Variants in FLII observed in about 807,000 individuals in gnomAD.
FLII encodes protein flightless-1 homolog.
Under a neutral mutation model 156.2 loss-of-function variants are expected in FLII, and 101 were observed. The observed-to-expected ratio is 0.65, with a 90% CI of 0.55 to 0.76. The LOEUF (loss-of-function observed/expected upper bound fraction) is 0.76, where lower values mean the gene tolerates loss of function less well. FLII is among the 30% of genes least tolerant of loss of function. FLII has a pLI of 0.00. For synonymous variants in FLII, 767 were observed against 685.8 expected, an observed-to-expected ratio of 1.12 and a Z score of -1.85; for missense variants, 1,675 against 1,682.8, an observed-to-expected ratio of 1.00 and a Z score of 0.08.
chr17:18,251,264 C>A lies in FLII; in HGVS notation c.1596+1G>T. 6.2e-7 allele frequency: 1 copy of A among 1,613,632 alleles called. No homozygotes were observed. The highest frequency in any genetic ancestry group is 8.5e-7 in the Non-Finnish European group (1 of 1,179,758). On this transcript the variant is annotated splice_donor_variant, in intron 13 of 29. Coordinates refer to ENST00000327031, the MANE Select transcript of FLII (RefSeq NM_002018.4). LOFTEE classifies it high-confidence loss of function. ...CCCCTAACAGCATGCCCAGCCCTCACCTTGAGCACAATGTAGCAGTCAGCC... is the reference window on the plus strand; with the variant it reads ...CCCCTAACAGCATGCCCAGCCCTCAACTTGAGCACAATGTAGCAGTCAGCC...
intron 9 of FLII, 134 bp downstream of exon 9, chr17:18,253,166 AG>A: frequency 2.2e-6 from 2 of 918,936 alleles, no homozygotes; most frequent in East Asian, 2.7e-5. Flanking sequence ...AAAAAAGAAA[AG>A]AAAAGAAAAG....
intron 12 of FLII, 35 bp downstream of exon 12, chr17:18,251,645 G>T (rs972161303): frequency 7.4e-6 from 12 of 1,613,206 alleles, no homozygotes; most frequent in African/African-American, 4.0e-5. Context: ...AGAAGCTAAG[G>T]CTCCCTGCCT....
At position 18,253,573 on chromosome 17, in the gene FLII, G is replaced by A; in HGVS notation, c.826C>T (p.Leu276=). The change falls in exon 8 of 30, where the codon CTG becomes TTG. Residue 276 remains leucine (L), a synonymous_variant. Coordinates refer to ENST00000327031, the MANE Select transcript of FLII (RefSeq NM_002018.4). The part of the protein sequence containing the change: ...DQWVHVETLN[L]SRNQLTSLPS... ...AGTGAGGTGAGCTGATTTCGGGACA[G>A]GTTCAGAGTTTCCACGTGCACCCAC... The A allele has an allele frequency of 6.2e-7, 1 of 1,613,930 alleles. No homozygotes were observed. The highest frequency in any genetic ancestry group is 8.5e-7 in the Non-Finnish European group (1 of 1,179,926).
chr17:18,257,321 T>C, intron 1 of FLII: 1 of 375,526 alleles, frequency 2.7e-6, no homozygotes, highest in Non-Finnish European at 4.9e-6. Context: ...TGTGGTTAGC[T>C]CGGCTCAAAT....
At chr17:18,257,201 C>G in intron 1 of FLII, 182 bp from the exon 2 acceptor site, 1 of 551,984 alleles carries the variant, frequency 1.8e-6, no homozygotes, top group Non-Finnish European at 3.2e-6. Context: ...TTTTAAGCCC[C>G]CCCGTGACAA....
Position 18,254,134 on chromosome 17 carries a change from G to C in FLII, c.624C>G (p.Thr208=). The part of the protein sequence containing the change: ...TALQTLHLRS[T]QRTQSNLPTS... ...TGGGCAGGTTGCTCTGGGTGCGCTG[G>C]GTGCTCCGCAGGTGCAGGGTCTGCA... is the stretch of plus-strand genomic sequence containing the variant. The change falls in exon 7 of 30, where the codon ACC becomes ACG. Residue 208 remains threonine (T), a synonymous_variant. Transcript: ENST00000327031. 1 of 1,611,766 alleles carries C rather than the reference G, an allele frequency of 6.2e-7. No homozygotes were observed. The highest frequency in any genetic ancestry group is 8.5e-7 in the Non-Finnish European group (1 of 1,178,954).
Position 18,251,668 on chromosome 17 carries a change from G to A in FLII, c.1383+12C>T. The A allele has an allele frequency of 6.2e-7, 1 of 1,613,868 alleles. No homozygotes were observed. Among genetic ancestry groups the A allele is most frequent in the East Asian group, 2.2e-5 (1 of 44,876 alleles). On this transcript the variant is annotated intron_variant, in intron 12 of 29. Coordinates refer to ENST00000327031, the MANE Select transcript of FLII (RefSeq NM_002018.4). ...AGGCTCCCTGCCTTGTCCCAACCCTGGCCTGGCTCACCTCCTGCTTTTTGT... is the reference window on the plus strand; with the variant it reads ...AGGCTCCCTGCCTTGTCCCAACCCTAGCCTGGCTCACCTCCTGCTTTTTGT...
At position 18,249,137 on chromosome 17, in the gene FLII, G is replaced by C; in HGVS notation, c.1924C>G (p.Leu642Val). The change falls in exon 16 of 30, where the codon CTG (leucine) becomes GTG (valine). Residue 642 changes from leucine to valine, a missense_variant. Around this residue, in one of 2 missense-constraint regions of FLII, gnomAD observed 1,332 missense variants for 1,269.3 expected, o/e 1.05. Transcript: ENST00000327031. ...ATTGTTGGGGCTCACCTTGGGTCCAGAGAGGTCCCCTTGAGGGGCACAGGC... is the reference window on the plus strand; with the variant it reads ...ATTGTTGGGGCTCACCTTGGGTCCACAGAGGTCCCCTTGAGGGGCACAGGC... ...LEPVPLKGTS[L>V]DPRFVFLLDR... 1 of 1,613,870 alleles carries C rather than the reference G, an allele frequency of 6.2e-7. No individual in the cohort carries two copies. The highest frequency in any genetic ancestry group is 8.5e-7 in the Non-Finnish European group (1 of 1,179,834).
intron 3 of FLII, 70 bp downstream of exon 3, chr17:18,256,456 C>G: frequency 7.0e-6 from 9 of 1,287,060 alleles, no homozygotes; most frequent in Non-Finnish European, 8.8e-6. Context: ...GGTGTCTAGC[C>G]CAGGCTTCAC....
rs749331004 is a variant in FLII, at chr17:18,246,316, G to C, written c.3198C>G (p.Leu1066=). The change falls in exon 24 of 30, where the codon CTC becomes CTG. Residue 1066 remains leucine, a synonymous_variant. Transcript: ENST00000327031. ...LYQIRTNGSA[L]CTRCIQINTD... Reference sequence around the variant, plus strand: ...CTCCCCCAGCCAGGCACCGGGTGCAGAGGGCGCTGCCGTTGGTGCGGATCT... The same window carrying C: ...CTCCCCCAGCCAGGCACCGGGTGCACAGGGCGCTGCCGTTGGTGCGGATCT... The C allele has an allele frequency of 6.2e-7, 1 of 1,613,732 alleles. No individual in the cohort carries two copies. The highest frequency in any genetic ancestry group is 1.3e-5 in the African/African-American group (1 of 74,932).
At chr17:18,252,384 C>A in intron 10 of FLII, 88 bp downstream of exon 10, 1 of 1,304,120 alleles carries the variant, frequency 7.7e-7, no homozygotes, top group Non-Finnish European at 1.1e-6. Flanking sequence ...GGCCACCTCC[C>A]TCAGGAGGCC....
At position 18,258,372 on chromosome 17, in the gene FLII, T is replaced by C. The variant is rs2048492519; in HGVS notation, c.63+256A>G. 2 of 1,005,120 alleles carry C rather than the reference T, an allele frequency of 2.0e-6. No individual in the cohort carries two copies. The highest frequency in any genetic ancestry group is 3.1e-5 in the East Asian group (1 of 32,156). The allele number at this position is 1,005,120 out of a possible 1,614,324, so 62.3% of individuals were successfully genotyped here. On this transcript the variant is annotated intron_variant, in intron 1 of 29. Coordinates refer to ENST00000327031, the MANE Select transcript of FLII (RefSeq NM_002018.4). This position sits in a 1 kb window ranked among gnomAD's most constrained non-coding sequence, Gnocchi z 4.2. ...GAGAACACGGACGCGGGGTGGGGGC[T>C]CCCGGCCGGGCCCCCGGCGGGACTC...
intron 20 of FLII, 35 bp downstream of exon 20, chr17:18,247,622 A>C: frequency 6.5e-7 from 1 of 1,532,792 alleles, no homozygotes; most frequent in Non-Finnish European, 8.7e-7. Context: ...GGTGCGAAGG[A>C]TCCTGGGGAG....
rs1250289073 is a variant in FLII at position 18,246,390 on chromosome 17, G to A, written c.3124C>T (p.Arg1042Trp). The change falls in exon 24 of 30, where the codon CGG becomes TGG. Residue 1042 changes from arginine to tryptophan, a missense_variant. Coordinates refer to ENST00000327031, the MANE Select transcript of FLII (RefSeq NM_002018.4). ...CCCTGGACCGCCTTCCTCTTGCCCC[G>A]GTGGATGATGAACTTCCTCTTGAAA... ...SHFKRKFIIH[R>W]GKRKAVQGAQ... is the part of the protein sequence containing the mutation. 2.5e-6 allele frequency: 4 copies of A among 1,613,976 alleles called. No individual in the cohort carries two copies. The highest frequency in any genetic ancestry group is 1.1e-5 in the South Asian group (1 of 91,088).
At chr17:18,256,379 G>A (rs1296540172) in intron 3 of FLII, 147 bp downstream of exon 3, 11 of 641,040 alleles carry the variant, frequency 1.7e-5, no homozygotes, top group Non-Finnish European at 2.8e-5. Flanking sequence ...TCTAATGAGA[G>A]GGCCCCTCTG....
chr17:18,251,240 C>T, intron 13 of FLII, 25 bp downstream of exon 13: 2 of 1,608,702 alleles, frequency 1.2e-6, no homozygotes, highest in Non-Finnish European at 1.7e-6. Flanking sequence ...GCCACATGGC[C>T]CCTAACAGCA....
intron 9 of FLII, 37 bp from the exon 10 acceptor site, chr17:18,252,593 G>T: frequency 6.4e-7 from 1 of 1,561,446 alleles, no homozygotes; most frequent in African/African-American, 1.4e-5. Flanking sequence ...TCAGGCAGGT[G>T]ACAGACAAGG....
chr17:18,252,597 G>C, intron 9 of FLII, 41 bp from the exon 10 acceptor site: 1 of 1,553,236 alleles, frequency 6.4e-7, no homozygotes, highest in Non-Finnish European at 8.9e-7. Flanking sequence ...GCAGGTGACA[G>C]ACAAGGGGAA....
intron 14 of FLII, among the ~76,000 whole-genome samples, chr17:18,250,071 A>G (rs2048212296): frequency 1.3e-5 from 2 of 152,218 alleles, no homozygotes; most frequent in South Asian, 4.1e-4. Context: ...CAGTGAGCCA[A>G]GATTGTGCCA....
Sources: allele counts gnomAD v4.1 joint callset (sites outside exome capture counted in the v4.1 genomes callset), GRCh38; gene constraint gnomAD v4.1.1; regional missense constraint gnomAD v4.1.1; non-coding constraint Gnocchi (gnomAD v3.1); transcripts MANE v1.5; gene names NCBI Gene and HGNC (gene_info 2026-07-23, HGNC 2026-07-21).